Variants in LPAR1 observed in about 807,000 individuals in gnomAD.
LPAR1 encodes the protein lysophosphatidic acid receptor 1.
LPAR1 carries 5 observed loss-of-function variants against 23.8 expected under a neutral mutation model. That is an observed-to-expected ratio of 0.21 (90% CI 0.11 to 0.44). LPAR1 has a LOEUF of 0.44. Ranked by LOEUF, LPAR1 falls within the 20% of genes least tolerant of loss-of-function variation. The probability of loss-of-function intolerance (pLI) is 0.99; values close to 1 mark genes in which losing one functional copy is unlikely to be tolerated. For synonymous variants in LPAR1, 160 were observed against 164.7 expected (o/e 0.97, Z 0.22); for missense variants, 311 against 482.8 (o/e 0.64, Z 3.33).
intron 2 of LPAR1, among the ~76,000 whole-genome samples, chr9:111,024,378 C>T (rs7026955): frequency 0.7 from 102,787 of 147,228 alleles, 37,318 homozygotes; most frequent in African/African-American, 0.92. Context: ...CATATATATA[C>T]ATATTTTTAT....
rs761400514 is a variant in LPAR1, at chr9:110,941,472, G to A, written c.742C>T (p.Arg248Trp). 2.0e-5 allele frequency: 32 copies of A among 1,613,784 alleles called. No homozygotes were observed. The highest frequency in any genetic ancestry group is 5.3e-5 in the African/African-American group (4 of 74,880). Residue 248 changes from arginine to tryptophan, a missense_variant, in exon 5 of 6, where the codon CGG becomes TGG. By Grantham distance (101) the Arg-to-Trp change is moderately radical (BLOSUM62 -3). Transcript: ENST00000683809. The surrounding 1 kb of genome is among the most constrained non-coding windows in gnomAD (Gnocchi z 6.1). Reference protein sequence around the residue: ...RMSRHSSGPRRNRDTMMSLLK... With the variant: ...RMSRHSSGPRWNRDTMMSLLK... ...AGACTCATCATGGTATCCCGATTCC[G>A]CCGGGGTCCAGAACTATGCCGAGAC... is the stretch of plus-strand genomic sequence containing the variant.
chr9:110,907,253 A>G (rs886154261), intron 5 of LPAR1, among the ~76,000 whole-genome samples: 1 of 152,192 alleles, frequency 6.6e-6, no homozygotes, highest in Non-Finnish European at 1.5e-5. Context: ...AGAAACTAAG[A>G]TGAACAGAAA....
intron 2 of LPAR1, among the ~76,000 whole-genome samples, chr9:111,003,798 G>A (rs2097169929): frequency 6.6e-6 from 1 of 152,064 alleles, no homozygotes; most frequent in Non-Finnish European, 1.5e-5. Context: ...CATATCCTAG[G>A]AATTATTCCC....
At chr9:110,996,515 G>A (rs958098024) in intron 2 of LPAR1, among the ~76,000 whole-genome samples, 6 of 152,158 alleles carry the variant, frequency 3.9e-5, no homozygotes, top group African/African-American at 2.4e-5. Flanking sequence ...TCTGGGAGAA[G>A]AAGAAACAAC....
intron 2 of LPAR1, among the ~76,000 whole-genome samples, chr9:111,016,935 TA>T (rs2097459460): frequency 6.6e-6 from 1 of 152,206 alleles, no homozygotes; most frequent in Non-Finnish European, 1.5e-5. Flanking sequence ...ACATTCATTG[TA>T]AGATTGTATT....
chr9:110,986,875 T>G (rs2096793920), intron 2 of LPAR1, among the ~76,000 whole-genome samples: 1 of 152,066 alleles, frequency 6.6e-6, no homozygotes, highest in African/African-American at 2.4e-5. Flanking sequence ...CAATACTGAG[T>G]GCTTGAATGA....
chr9:110,958,964 C>T (rs1207919977), intron 4 of LPAR1, among the ~76,000 whole-genome samples: 2 of 148,326 alleles, frequency 1.3e-5, no homozygotes, highest in Admixed American at 6.7e-5. Context: ...TGAAAAAAAA[C>T]GCTTAACTTT....
Position 110,916,673 on chromosome 9 carries a change from C to T in LPAR1, c.793+24748G>A, listed in dbSNP as rs534368713. 1.7e-4 allele frequency among the ~76,000 whole-genome samples: 26 copies of T among 152,178 alleles called. No individual in the cohort carries two copies. The South Asian group carries it at 2.9e-3, about 17-fold the overall frequency. ...CTTCTGTCTTGTAGCTGAGGTGGAA[C>T]AGCCTCCTAATGAGGCAGATGTCTT... On this transcript the variant is annotated intron_variant, in intron 5 of 5. Transcript: ENST00000683809.
chr9:110,950,138 T>C (rs903133091), intron 4 of LPAR1, among the ~76,000 whole-genome samples: 1 of 105,582 alleles, frequency 9.5e-6, no homozygotes, highest in Non-Finnish European at 1.8e-5. Flanking sequence ...AAATATGACA[T>C]GAATGTCATA....
intron 5 of LPAR1, among the ~76,000 whole-genome samples, chr9:110,908,499 AG>A (rs1275573741): frequency 6.6e-6 from 1 of 152,114 alleles, no homozygotes; most frequent in Non-Finnish European, 1.5e-5. Context: ...AGAAATCAAA[AG>A]GGAAATATAA....
intron 5 of LPAR1, among the ~76,000 whole-genome samples, chr9:110,882,180 A>C (rs72762393): frequency 0.16 from 25,038 of 152,196 alleles, 2,552 homozygotes; most frequent in East Asian, 0.23. Context: ...CTTTATTTAT[A>C]CCCAAAATTA....
At chr9:110,903,250 T>G (rs567303607) in intron 5 of LPAR1, 1 of 152,130 alleles carries the variant, frequency 6.6e-6, no homozygotes, top group Non-Finnish European at 1.5e-5. Context: ...CAAAATGGTG[T>G]AATGAGTAAC....
At chr9:111,015,247 T>C (rs1253797262) in intron 2 of LPAR1, among the ~76,000 whole-genome samples, 1 of 152,088 alleles carries the variant, frequency 6.6e-6, no homozygotes, top group African/African-American at 2.4e-5. Flanking sequence ...TAAATACACT[T>C]CCCATGTCCT....
intron 5 of LPAR1, among the ~76,000 whole-genome samples, chr9:110,910,727 A>AT (rs1316051811): frequency 1.3e-5 from 2 of 152,232 alleles, no homozygotes; most frequent in Non-Finnish European, 2.9e-5. Flanking sequence ...ATAGGAGTTT[A>AT]TAAGAAGTTC....
At chr9:110,924,334 A>C (rs908408190) in intron 5 of LPAR1, among the ~76,000 whole-genome samples, 1 of 152,120 alleles carries the variant, frequency 6.6e-6, no homozygotes, top group Non-Finnish European at 1.5e-5. Context: ...TTCAAAGATT[A>C]CTTAATGGCA....
intron 2 of LPAR1, among the ~76,000 whole-genome samples, chr9:111,004,732 C>T (rs940057876): frequency 4.6e-5 from 7 of 152,182 alleles, no homozygotes; most frequent in South Asian, 2.1e-4. Flanking sequence ...TTGGCCCTTT[C>T]CTATTCTACT....
At chr9:110,959,107 T>C (rs1436765421) in intron 4 of LPAR1, among the ~76,000 whole-genome samples, 1 of 127,294 alleles carries the variant, frequency 7.9e-6, no homozygotes, top group Non-Finnish European at 1.6e-5. Context: ...TCTTATACAG[T>C]GTTGGTGGGA....
At chr9:111,015,456 C>T (rs1181499368) in intron 2 of LPAR1, among the ~76,000 whole-genome samples, 2 of 152,134 alleles carry the variant, frequency 1.3e-5, no homozygotes, top group Non-Finnish European at 2.9e-5. Context: ...TATCTCAGTA[C>T]TATACGATCT....
chr9:111,036,970 A>G (rs2097907547), intron 1 of LPAR1, among the ~76,000 whole-genome samples: 1 of 152,206 alleles, frequency 6.6e-6, no homozygotes, highest in African/African-American at 2.4e-5. Flanking sequence ...TCAAATAACC[A>G]TACCTCTAAA....
Sources: gnomAD v4.1 joint callset for allele counts (sites outside exome capture counted in the v4.1 genomes callset) on GRCh38, gnomAD v4.1.1 for gene constraint, Gnocchi (gnomAD v3.1) non-coding constraint, MANE v1.5 for transcripts, NCBI Gene and HGNC (gene_info 2026-07-23, HGNC 2026-07-21) for gene names.